TRIM37: variants seen among roughly 807,000 people sequenced by gnomAD.
TRIM37 encodes E3 ubiquitin-protein ligase TRIM37.
Under a neutral mutation model 129.8 loss-of-function variants are expected in TRIM37, and 80 were observed. The ratio of observed to expected loss-of-function variants is 0.62; its 90% CI spans 0.51 to 0.74. The LOEUF is 0.74. Among genes scored for constraint, TRIM37 ranks in the 30% least tolerant of loss-of-function variants. The pLI is 0.00. For missense variants in TRIM37, 1,054 were observed against 1,176.5 expected (o/e 0.90, Z 1.52); for synonymous variants, 389 against 387.1 (o/e 1.00, Z -0.06).
intron 19 of TRIM37, among the ~76,000 whole-genome samples, chr17:59,020,691 G>A (rs141766593): frequency 1.3e-5 from 2 of 152,112 alleles, no homozygotes; most frequent in East Asian, 3.9e-4. Flanking sequence ...CTTAAAAGAC[G>A]ACACACAAAT....
intron 17 of TRIM37, among the ~76,000 whole-genome samples, chr17:59,034,118 AAG>A (rs912773619): frequency 2.6e-5 from 4 of 151,888 alleles, no homozygotes; most frequent in Non-Finnish European, 5.9e-5. Context: ...AAAAAAAAAA[AAG>A]GATACGGAGG....
chr17:59,015,379 G>A (rs2035790023), intron 21 of TRIM37, among the ~76,000 whole-genome samples: 1 of 152,018 alleles, frequency 6.6e-6, no homozygotes, highest in Non-Finnish European at 1.5e-5. Flanking sequence ...GGCAGAGGTT[G>A]CAGAGAGCTG....
At chr17:59,082,289 AAAT>A (rs1475166312) in intron 5 of TRIM37, among the ~76,000 whole-genome samples, 1 of 151,980 alleles carries the variant, frequency 6.6e-6, no homozygotes, top group Non-Finnish European at 1.5e-5. Flanking sequence ...AAAACAAAAC[AAAT>A]AATAATAATA....
At chr17:59,103,741 C>A (rs1040587272) in intron 2 of TRIM37, among the ~76,000 whole-genome samples, 1 of 150,132 alleles carries the variant, frequency 6.7e-6, no homozygotes, top group Non-Finnish European at 1.5e-5. Context: ...TCTGCCCTCC[C>A]GGGTTCAAAC....
At chr17:59,104,640 GA>G (rs1403737474) in intron 1 of TRIM37, 71 of 630,670 alleles carry the variant, frequency 1.1e-4, no homozygotes, top group Middle Eastern at 4.5e-4. Context: ...CAGACATGCA[GA>G]AAAATTTTCA....
chr17:59,037,355 G>A (rs1450766694), intron 17 of TRIM37, among the ~76,000 whole-genome samples: 5 of 151,722 alleles, frequency 3.3e-5, no homozygotes, highest in South Asian at 4.2e-4. Context: ...TCAGGAGATC[G>A]AGACCATCCT....
At chr17:59,102,877 AT>A (rs78784428) in intron 2 of TRIM37, among the ~76,000 whole-genome samples, 110 of 147,336 alleles carry the variant, frequency 7.5e-4, no homozygotes, top group South Asian at 2.4e-3. Flanking sequence ...GGAAACAGAA[AT>A]TTTTTTTTTT....
chr17:59,081,964 A>AAATAATAATAAT (rs1371563147), intron 5 of TRIM37, among the ~76,000 whole-genome samples: 16 of 87,164 alleles, frequency 1.8e-4, no homozygotes, highest in African/African-American at 6.6e-4. Flanking sequence ...AAAAAAAAAA[A>AAATAATAATAAT]AATAATAATA....
At chr17:59,077,930 C>T (rs1467149679) in intron 7 of TRIM37, among the ~76,000 whole-genome samples, 1 of 151,192 alleles carries the variant, frequency 6.6e-6, no homozygotes, top group African/African-American at 2.4e-5. Context: ...TCAAGACTAG[C>T]CTGGCCAACA....
chr17:59,080,452 A>G (rs542300610), intron 6 of TRIM37, among the ~76,000 whole-genome samples: 2 of 152,356 alleles, frequency 1.3e-5, no homozygotes, highest in South Asian at 2.1e-4. Context: ...CAAAGAGTGT[A>G]TAACTTAATG....
rs904205498 is a variant in TRIM37, at chr17:59,106,860, C to T, written c.-399G>A. 2 of 324,310 alleles carry T rather than the reference C, an allele frequency of 6.2e-6. No individual in the cohort carries two copies. The highest frequency in any genetic ancestry group is 3.7e-5 in the South Asian group (1 of 27,212). 20.1% of individuals were successfully genotyped at this position (324,310 alleles called of 1,614,324 possible). ...CAACCGTAACCAGAGCAGCTGGGGG[C>T]GCGGCGGCGAGAGAAGCTGCGAAGC... On this transcript the variant is annotated 5_prime_UTR_variant, in exon 1 of 24. Transcript: ENST00000262294.
At chr17:59,069,460 C>T (rs1281486625) in intron 9 of TRIM37, among the ~76,000 whole-genome samples, 2 of 152,150 alleles carry the variant, frequency 1.3e-5, no homozygotes, top group Non-Finnish European at 2.9e-5. Flanking sequence ...GGCAGCTCAA[C>T]ATATAAACAT....
At chr17:59,088,142 C>T (rs1029971663) in intron 4 of TRIM37, 149 bp downstream of exon 4, 2 of 645,626 alleles carry the variant, frequency 3.1e-6, no homozygotes, top group Admixed American at 2.5e-5. Context: ...TGTTACTTAA[C>T]AGTAACAGCG....
At chr17:59,022,094 A>C (rs982154660) in intron 19 of TRIM37, among the ~76,000 whole-genome samples, 1 of 152,186 alleles carries the variant, frequency 6.6e-6, no homozygotes, top group African/African-American at 2.4e-5. Context: ...ATAGCATAGA[A>C]AAGGACAAAA....
chr17:59,042,624 G>T (rs887748149), intron 16 of TRIM37, among the ~76,000 whole-genome samples: 1 of 151,000 alleles, frequency 6.6e-6, no homozygotes, highest in Non-Finnish European at 1.5e-5. Flanking sequence ...TTAGCTGGGC[G>T]TTGTGGTGGG....
intron 7 of TRIM37, among the ~76,000 whole-genome samples, chr17:59,079,391 G>T (rs771385810): frequency 6.6e-6 from 1 of 152,098 alleles, no homozygotes; most frequent in Non-Finnish European, 1.5e-5. Flanking sequence ...GGATGACGCC[G>T]ATGTTTACAA....
chr17:59,073,819 A>G (rs1056840438), intron 8 of TRIM37, among the ~76,000 whole-genome samples: 4 of 152,210 alleles, frequency 2.6e-5, no homozygotes, highest in Non-Finnish European at 5.9e-5. Flanking sequence ...AGGATCATCA[A>G]TATCACCACC....
At chr17:59,005,998 A>T (rs1056868896) in intron 22 of TRIM37, among the ~76,000 whole-genome samples, 1 of 152,196 alleles carries the variant, frequency 6.6e-6, no homozygotes, top group African/African-American at 2.4e-5. Flanking sequence ...ACTTGCCCTA[A>T]GTAGATTCCT....
chr17:59,079,742 A>G lies in TRIM37; in HGVS notation c.616+12T>C, dbSNP rs1450268610. The G allele has an allele frequency of 1.9e-6, 3 of 1,613,778 alleles. No individual in the cohort carries two copies. Among genetic ancestry groups the G allele is most frequent in the Non-Finnish European group, 2.5e-6 (3 of 1,179,832 alleles). ...AGCACCAGGTACCCCAGCAGCATAC[A>G]TAAACACTTACCCATCAGTGTTATA... is the stretch of plus-strand genomic sequence containing the variant. On this transcript the variant is annotated intron_variant, in intron 7 of 23. Coordinates refer to ENST00000262294, the MANE Select transcript of TRIM37 (RefSeq NM_015294.6).
Sources: gnomAD v4.1 joint callset for allele counts (sites outside exome capture counted in the v4.1 genomes callset) on GRCh38, gnomAD v4.1.1 for gene constraint, MANE v1.5 for transcripts, NCBI Gene and HGNC (gene_info 2026-07-23, HGNC 2026-07-21) for gene names.